TRAK1: variants seen among roughly 807,000 people sequenced by gnomAD.
TRAK1 encodes the protein trafficking kinesin-binding protein 1.
In TRAK1, 33 loss-of-function variants were observed where a neutral mutation model predicts 92.1. That is an observed-to-expected ratio of 0.36 (90% CI 0.27 to 0.48). The LOEUF (loss-of-function observed/expected upper bound fraction) is 0.48. TRAK1 is among the 20% of genes least tolerant of loss of function. The pLI, the probability that TRAK1 is intolerant of heterozygous loss-of-function variation, is 0.99. For missense variants in TRAK1, 1,123 were observed against 1,257.9 expected, an observed-to-expected ratio of 0.89 and a Z score of 1.62; for synonymous variants, 521 against 517.3, an observed-to-expected ratio of 1.01 and a Z score of -0.10.
intron 2 of TRAK1, among the ~76,000 whole-genome samples, chr3:42,128,162 A>G (rs941889137): frequency 1.3e-5 from 2 of 152,204 alleles, no homozygotes; most frequent in Admixed American, 6.5e-5. Context: ...CTGGGCAACA[A>G]GAGCGAAACT....
rs1708802770 is a variant in TRAK1, at chr3:42,209,975, A to G, written c.1953A>G (p.Pro651=). The change falls in exon 14 of 16, where the codon CCA becomes CCG. Residue 651 remains proline (P), a synonymous_variant. Coordinates refer to ENST00000327628, the MANE Select transcript of TRAK1 (RefSeq NM_001042646.3). ...RLATSTPVQH[P]ETSAHHPGKC... The stretch of plus-strand genomic sequence containing the variant: ...CTACCTCCACTCCAGTTCAGCACCC[A>G]GAGACCTCAGGTGAGAGGTCCCAAG... 1 of 1,614,112 alleles carries G rather than the reference A, an allele frequency of 6.2e-7. No homozygotes were observed. Among genetic ancestry groups the G allele is most frequent in the Non-Finnish European group, 8.5e-7 (1 of 1,180,040 alleles).
chr3:42,038,689 G>A (rs907710537), intron 1 of TRAK1, among the ~76,000 whole-genome samples: 1 of 151,482 alleles, frequency 6.6e-6, no homozygotes, highest in African/African-American at 2.4e-5. Context: ...TTGGGAGGCT[G>A]AGGCAGGAGA....
At position 42,170,333 on chromosome 3, in the gene TRAK1, G is replaced by A. The variant is rs193254582; in HGVS notation, c.287-6481G>A. 8.5e-5 allele frequency among the ~76,000 whole-genome samples: 13 copies of A among 152,250 alleles called. No individual in the cohort carries two copies. In the East Asian group the frequency reaches 2.5e-3, roughly 29 times the overall value. On this transcript the variant is annotated intron_variant, in intron 2 of 15. Coordinates refer to ENST00000327628, the MANE Select transcript of TRAK1 (RefSeq NM_001042646.3). ...AAAGCTTTTTAGTTCCCAGGTTCTG[G>A]GACCCCAGGTTGGCTCCCAGGTTCT...
rs569576960 is a variant in TRAK1 at position 42,157,014 on chromosome 3, G to A, written c.287-19800G>A. Among the ~76,000 whole-genome samples, 7 of 152,100 alleles carry A rather than the reference G, an allele frequency of 4.6e-5. No homozygotes were observed. In the East Asian group the frequency reaches 5.8e-4, roughly 13 times the overall value. On this transcript the variant is annotated intron_variant, in intron 2 of 15. Transcript: ENST00000327628. ...ACTAAAAATACAAAATTAGCCAGGC[G>A]TGGTGGCGGGCGCCTGTAATCCAGT...
chr3:42,084,701 T>C (rs113249096), upstream of TRAK1, among the ~76,000 whole-genome samples: 1,095 of 152,326 alleles, frequency 7.2e-3, 10 homozygotes, highest in African/African-American at 0.024. Flanking sequence ...CTGTCTAGAA[T>C]GTTCTGGGTT....
chr3:42,131,562 C>G (rs1401486780), intron 2 of TRAK1, among the ~76,000 whole-genome samples: 2 of 149,536 alleles, frequency 1.3e-5, no homozygotes, highest in African/African-American at 4.9e-5. Flanking sequence ...ACTAAAAATA[C>G]AAAAATTAGC....
rs1402225558 is a variant in TRAK1, at chr3:42,060,828, G to A, written c.-518-26276G>A. On this transcript the variant is annotated intron_variant, in intron 1 of 16. Coordinates refer to the TRAK1 transcript ENST00000487159. Reference sequence around the variant, plus strand: ...ATATTTTTAGTAGAAACGGAGTTTCGCCATGTTGGCCAGGCTGGTCTCGAA... The same window carrying A: ...ATATTTTTAGTAGAAACGGAGTTTCACCATGTTGGCCAGGCTGGTCTCGAA... Among the ~76,000 whole-genome samples, 8 of 151,822 alleles carry A rather than the reference G, an allele frequency of 5.3e-5. No homozygotes were observed. In the South Asian group the frequency reaches 6.2e-4, roughly 12 times the overall value.
intron 1 of TRAK1, among the ~76,000 whole-genome samples, chr3:42,075,340 C>CAAAAAAA (rs60881113): frequency 1.4e-5 from 1 of 71,104 alleles, no homozygotes; most frequent in African/African-American, 5.8e-5. Context: ...GACTCAGTCT[C>CAAAAAAA]AAAAAAAAAA....
intron 13 of TRAK1, among the ~76,000 whole-genome samples, chr3:42,206,698 G>A (rs577514540): frequency 6.6e-6 from 1 of 152,306 alleles, no homozygotes; most frequent in East Asian, 1.9e-4. Context: ...ACATCCCAAG[G>A]CATGGGATAA....
intron 1 of TRAK1, among the ~76,000 whole-genome samples, chr3:42,029,345 C>G (rs1702031345): frequency 6.6e-6 from 1 of 152,118 alleles, no homozygotes; most frequent in Non-Finnish European, 1.5e-5. Flanking sequence ...CTTGAGTGAT[C>G]CTCCCACCTC....
chr3:42,217,095 CTCTT>C lies in TRAK1; in HGVS notation c.1964-2397_1964-2394del, dbSNP rs1307704689. On this transcript the variant is annotated intron_variant, in intron 14 of 15. Coordinates refer to ENST00000327628, the MANE Select transcript of TRAK1 (RefSeq NM_001042646.3). ...GGATGTTTTATGTTTCTCTCTCTCT[CTCTT>C]TTTTTTTTTTTTTTTTTTAGAACTT... The C allele has an allele frequency of 8.3e-3, 1,897 of 228,536 alleles. 39 individuals are homozygous for C. Among genetic ancestry groups the C allele is most frequent in the African/African-American group, 0.045 (1,809 of 40,234 alleles). The allele number at this position is 228,536 out of a possible 1,614,324, so 14.2% of individuals were successfully genotyped here. A position where few individuals can be genotyped will look rare whatever the true frequency, so the allele number is the denominator to read the frequency against.
intron 1 of TRAK1, among the ~76,000 whole-genome samples, chr3:42,111,916 C>CCT (rs1708455338): frequency 7.3e-6 from 1 of 136,180 alleles, no homozygotes; most frequent in African/African-American, 2.7e-5. Context: ...CTGACATCTT[C>CCT]TTTTTTTTTT....
intron 11 of TRAK1, 103 bp downstream of exon 11, chr3:42,199,356 T>A (rs764150525): frequency 9.0e-7 from 1 of 1,108,250 alleles, no homozygotes; most frequent in Non-Finnish European, 1.3e-6. Flanking sequence ...CCGACAGTGA[T>A]TGACTATTGT....
intron 1 of TRAK1, among the ~76,000 whole-genome samples, chr3:42,117,806 A>G (rs1272995169): frequency 7.1e-6 from 1 of 141,668 alleles, no homozygotes; most frequent in Non-Finnish European, 1.5e-5. Flanking sequence ...GAGTCCACAT[A>G]TCTGTATTTC....
At chr3:42,198,613 C>T (rs765330084) in intron 10 of TRAK1, among the ~76,000 whole-genome samples, 4 of 152,092 alleles carry the variant, frequency 2.6e-5, no homozygotes, top group Non-Finnish European at 5.9e-5. Context: ...AGCACAGAAC[C>T]AGAGTGCCCT....
intron 2 of TRAK1, 68 bp downstream of exon 2, chr3:42,125,682 A>C: frequency 3.9e-6 from 6 of 1,542,930 alleles, no homozygotes; most frequent in Non-Finnish European, 4.4e-6. Context: ...ATGGCCCCAA[A>C]TAAGATCTTG....
chr3:42,175,870 A>G (rs992641898), intron 2 of TRAK1, among the ~76,000 whole-genome samples: 2 of 152,210 alleles, frequency 1.3e-5, no homozygotes, highest in African/African-American at 4.8e-5. Context: ...ATTACTAAGA[A>G]GTTATTTATT....
intron 14 of TRAK1, chr3:42,218,580 A>G (rs997969034): frequency 4.0e-5 from 39 of 984,948 alleles, no homozygotes; most frequent in South Asian, 2.8e-4. Context: ...CTCTGCAATC[A>G]TGATGTCTCC....
intron 9 of TRAK1, 112 bp downstream of exon 9, chr3:42,194,010 T>C: frequency 9.9e-7 from 1 of 1,008,496 alleles, no homozygotes; most frequent in Non-Finnish European, 1.5e-6. Flanking sequence ...ATTTTGAATT[T>C]CATTTCATTT....
Sources: allele counts gnomAD v4.1 joint callset (sites outside exome capture counted in the v4.1 genomes callset), GRCh38; gene constraint gnomAD v4.1.1; transcripts MANE v1.5; gene names NCBI Gene and HGNC (gene_info 2026-07-23, HGNC 2026-07-21).